The following TRAPPC9 variants were observed in gnomAD, a reference collection of about 807,000 sequenced individuals.
TRAPPC9 encodes IKK2 binding protein.
In TRAPPC9, 83 loss-of-function variants were observed where a neutral mutation model predicts 124.0. The ratio of observed to expected loss-of-function variants is 0.67; its 90% CI spans 0.56 to 0.80. The LOEUF (loss-of-function observed/expected upper bound fraction) is 0.80, where lower values mean the gene tolerates loss of function less well. Ranked by LOEUF, TRAPPC9 falls within the 30% of genes least tolerant of loss-of-function variation. The probability of loss-of-function intolerance (pLI) is 0.00; values close to 1 mark genes in which losing one functional copy is unlikely to be tolerated. For missense variants in TRAPPC9, 1,302 were observed against 1,508.3 expected (o/e 0.86, Z 2.27); for synonymous variants, 638 against 617.5 (o/e 1.03, Z -0.49).
intron 19 of TRAPPC9, chr8:139,931,464 G>C (rs949696270): frequency 2.0e-5 from 3 of 152,190 alleles, no homozygotes; most frequent in Non-Finnish European, 2.9e-5. Context: ...GGTGCCCACT[G>C]GAACCCTGTC....
At chr8:140,003,400 A>G (rs1425983137) in intron 18 of TRAPPC9, among the ~76,000 whole-genome samples, 1 of 152,042 alleles carries the variant, frequency 6.6e-6, no homozygotes. Context: ...CATGGTGAAC[A>G]TGTTTGTGAA....
intron 5 of TRAPPC9, among the ~76,000 whole-genome samples, chr8:140,418,961 G>T (rs1383593493): frequency 1.3e-5 from 2 of 152,272 alleles, no homozygotes; most frequent in East Asian, 3.9e-4. Context: ...CACAAAGAAA[G>T]CATTTGATAA....
chr8:139,961,279 G>A (rs1476839476), intron 19 of TRAPPC9, among the ~76,000 whole-genome samples: 1 of 124,746 alleles, frequency 8.0e-6, no homozygotes, highest in African/African-American at 2.5e-5. Flanking sequence ...GGCAGTAGCT[G>A]CTGCCATCAT....
In TRAPPC9 at chr8:140,049,323, T is replaced by C. The variant is rs891228010; in HGVS notation, c.2557-25244A>G. On this transcript the variant is annotated intron_variant, in intron 17 of 22. Coordinates refer to ENST00000438773, the MANE Select transcript of TRAPPC9 (RefSeq NM_001160372.4). The stretch of plus-strand genomic sequence containing the variant: ...ATGCCATCTGACTTAAAAATATAAA[T>C]GCTCCCTTCCGGGCCGAAGTGGAAA... 4.6e-5 allele frequency among the ~76,000 whole-genome samples: 7 copies of C among 152,100 alleles called. No homozygotes were observed. The East Asian group carries it at 1.4e-3, about 29-fold the overall frequency.
At chr8:140,202,655 C>T (rs2062821002) in intron 17 of TRAPPC9, among the ~76,000 whole-genome samples, 1 of 152,216 alleles carries the variant, frequency 6.6e-6, no homozygotes, top group South Asian at 2.1e-4. Flanking sequence ...ATTTGTACTA[C>T]TGCCAAAGTA....
At chr8:140,272,843 C>G (rs1815048570) in intron 15 of TRAPPC9, among the ~76,000 whole-genome samples, 1 of 151,938 alleles carries the variant, frequency 6.6e-6, no homozygotes, top group Non-Finnish European at 1.5e-5. Context: ...CATCAGGGAT[C>G]CACCCCCATG....
rs150838912 is a variant in TRAPPC9 at position 139,964,631 on chromosome 8, T to A, written c.2810+24095A>T. Among the ~76,000 whole-genome samples, 35 of 152,296 alleles carry A rather than the reference T, an allele frequency of 2.3e-4. No individual in the cohort carries two copies. In the East Asian group the frequency reaches 2.7e-3, roughly 12 times the overall value. ...CAAAGCTTAAGGGACTTCGGAGGTA[T>A]TTCTATACAGAAAAATCATTACAAA... On this transcript the variant is annotated intron_variant, in intron 19 of 22. Transcript: ENST00000438773.
intron 21 of TRAPPC9, among the ~76,000 whole-genome samples, chr8:139,857,159 G>A (rs546566123): frequency 3.0e-4 from 46 of 152,280 alleles, no homozygotes; most frequent in African/African-American, 1.0e-3. Context: ...ATGGTTTCCA[G>A]CAAGTGCACA....
rs186001878 is a variant in TRAPPC9, at chr8:140,232,306, A to G, written c.2432-10723T>C. Among the ~76,000 whole-genome samples, 33 of 152,100 alleles carry G rather than the reference A, an allele frequency of 2.2e-4. No homozygotes were observed. In the East Asian group the frequency reaches 5.4e-3, roughly 25 times the overall value. Reference sequence around the variant, plus strand: ...TTTAAAGAGTAATGAGTTCCTTGTCACTAGAACTGGCCAAGCAGAAGGCAG... The same window carrying G: ...TTTAAAGAGTAATGAGTTCCTTGTCGCTAGAACTGGCCAAGCAGAAGGCAG... On this transcript the variant is annotated intron_variant, in intron 16 of 22. Transcript: ENST00000438773.
intron 17 of TRAPPC9, among the ~76,000 whole-genome samples, chr8:140,186,331 C>T (rs2062353886): frequency 6.6e-6 from 1 of 152,198 alleles, no homozygotes; most frequent in Non-Finnish European, 1.5e-5. Context: ...TGCCTGTAAT[C>T]CCAGCACTTT....
intron 21 of TRAPPC9, among the ~76,000 whole-genome samples, chr8:139,844,653 G>C (rs570024554): frequency 1.3e-5 from 2 of 152,360 alleles, no homozygotes; most frequent in East Asian, 1.9e-4. Flanking sequence ...AAGAGCAGGA[G>C]AGCGGGGAGG....
At chr8:140,277,452 T>TTA in intron 14 of TRAPPC9, among the ~76,000 whole-genome samples, 2 of 152,326 alleles carry the variant, frequency 1.3e-5, no homozygotes, top group Middle Eastern at 3.4e-3. Context: ...AAGCAAAAGT[T>TTA]TATAGTCAAT....
intron 17 of TRAPPC9, among the ~76,000 whole-genome samples, chr8:140,174,418 C>T (rs377322766): frequency 1.3e-5 from 2 of 152,172 alleles, no homozygotes; most frequent in Non-Finnish European, 2.9e-5. Flanking sequence ...ATAATTCACA[C>T]GCCATAAAAT....
chr8:140,378,510 A>T (rs954487542), intron 7 of TRAPPC9, among the ~76,000 whole-genome samples: 1 of 152,238 alleles, frequency 6.6e-6, no homozygotes, highest in South Asian at 2.1e-4. Flanking sequence ...CTTGCTCCTC[A>T]GCTTGCAGAC....
chr8:140,429,882 C>T (rs1202780558), intron 4 of TRAPPC9, among the ~76,000 whole-genome samples: 1 of 150,688 alleles, frequency 6.6e-6, no homozygotes, highest in Non-Finnish European at 1.5e-5. Context: ...TGTGGTGGCT[C>T]ACGCCTGTAA....
intron 15 of TRAPPC9, among the ~76,000 whole-genome samples, chr8:140,272,012 AC>A (rs2064904794): frequency 9.0e-5 from 11 of 121,940 alleles, no homozygotes; most frequent in Admixed American, 8.1e-4. Flanking sequence ...GATGGTGGTG[AC>A]GGGTGATGGT....
chr8:140,083,656 T>C (rs1324114508), intron 17 of TRAPPC9, among the ~76,000 whole-genome samples: 2 of 82,350 alleles, frequency 2.4e-5, no homozygotes, highest in African/African-American at 1.0e-4. Context: ...TTTTTTGTTA[T>C]TTTGTTTTTG....
intron 17 of TRAPPC9, among the ~76,000 whole-genome samples, chr8:140,177,515 C>T (rs896346549): frequency 7.2e-5 from 11 of 151,826 alleles, no homozygotes; most frequent in Non-Finnish European, 1.3e-4. Context: ...TATGTTTATC[C>T]TTATGCCAAT....
At chr8:140,038,570 T>C (rs147534592) in intron 17 of TRAPPC9, among the ~76,000 whole-genome samples, 1 of 152,320 alleles carries the variant, frequency 6.6e-6, no homozygotes, top group East Asian at 1.9e-4. Flanking sequence ...CCACGCACAC[T>C]GCTGTCTAGA....
Sources: gnomAD v4.1 joint callset for allele counts (sites outside exome capture counted in the v4.1 genomes callset) on GRCh38, gnomAD v4.1.1 for gene constraint, MANE v1.5 for transcripts, NCBI Gene and HGNC (gene_info 2026-07-23, HGNC 2026-07-21) for gene names.